The following TMEM131L variants were observed in gnomAD, a reference collection of about 807,000 sequenced individuals.
TMEM131L encodes transmembrane protein 131-like.
A neutral mutation model predicts 192.2 loss-of-function variants in TMEM131L; 54 were observed. The ratio of observed to expected loss-of-function variants is 0.28; its 90% CI spans 0.23 to 0.35. The LOEUF is 0.35. TMEM131L is among the 10% of genes least tolerant of loss of function. The pLI is 1.00. For synonymous variants in TMEM131L, 701 were observed against 704.9 expected (o/e 0.99, Z 0.09); for missense variants, 1,888 against 1,972.9 (o/e 0.96, Z 0.82).
chr4:153,495,314 C>T (rs375923774), intron 3 of TMEM131L, among the ~76,000 whole-genome samples: 20 of 151,358 alleles, frequency 1.3e-4, no homozygotes, highest in Non-Finnish European at 2.2e-4. Context: ...AGTGAGAATC[C>T]GTCTGAAAAC....
intron 20 of TMEM131L, among the ~76,000 whole-genome samples, chr4:153,598,352 A>G (rs1731594706): frequency 6.6e-6 from 1 of 152,080 alleles, no homozygotes; most frequent in Non-Finnish European, 1.5e-5. Flanking sequence ...CATTGTTTAC[A>G]TGTTCTTGCT....
At chr4:153,623,925 C>T (rs754216757) in intron 29 of TMEM131L, among the ~76,000 whole-genome samples, 68 of 151,164 alleles carry the variant, frequency 4.5e-4, no homozygotes, top group Non-Finnish European at 1.8e-4. Context: ...ATCATCTGTT[C>T]ACTTCTCCCT....
At chr4:153,502,174 G>A (rs190664315) in intron 3 of TMEM131L, among the ~76,000 whole-genome samples, 1 of 151,984 alleles carries the variant, frequency 6.6e-6, no homozygotes, top group Non-Finnish European at 1.5e-5. Context: ...CAACACCTGG[G>A]CTCAAGCAGT....
chr4:153,469,454 ATG>A (rs1455741814), intron 2 of TMEM131L, among the ~76,000 whole-genome samples: 1 of 152,162 alleles, frequency 6.6e-6, no homozygotes, highest in Admixed American at 6.5e-5. Flanking sequence ...ATTCCCTCAT[ATG>A]TGTCAAACGG....
intron 3 of TMEM131L, among the ~76,000 whole-genome samples, chr4:153,477,340 G>T (rs1037957768): frequency 5.9e-5 from 9 of 152,184 alleles, no homozygotes; most frequent in Non-Finnish European, 2.9e-5. Flanking sequence ...GGAGGCCAGG[G>T]CTGCAGACCC....
rs570635119 is a variant in TMEM131L, at chr4:153,502,650, G to A, written c.239+28762G>A. Among the ~76,000 whole-genome samples the A allele has an allele frequency of 4.5e-4, 69 of 152,334 alleles. 1 individual carries two copies. Among genetic ancestry groups the A allele is most frequent in the African/African-American group, 1.3e-3 (55 of 41,580 alleles). On this transcript the variant is annotated intron_variant, in intron 3 of 34. Transcript: ENST00000409959. ...TAACATTACTTTGAAAAACTTCTGC[G>A]TATAGAAGAAAATTGCAAATTATTG...
Position 153,593,821 on chromosome 4 carries a change from A to T in TMEM131L, c.1945A>T (p.Ile649Phe), listed in dbSNP as rs146588374. 3,092 of 1,613,384 alleles carry T rather than the reference A, an allele frequency of 1.9e-3. 2 individuals are homozygous for T. Among genetic ancestry groups the T allele is most frequent in the Non-Finnish European group, 2.4e-3 (2,801 of 1,179,332 alleles). The change falls in exon 19 of 35, where the codon ATT becomes TTT. Residue 649 changes from isoleucine to phenylalanine, a missense_variant. Transcript: ENST00000409959. ...TAGGTTTGGCACTGATATGCAGATG[A>T]TTAATTTCACAACTGGTGAATTCCA... ...HRWFGTDMQMINFTTGEFQLT... is the reference protein window; with the variant it reads ...HRWFGTDMQMFNFTTGEFQLT...
intron 7 of TMEM131L, among the ~76,000 whole-genome samples, chr4:153,561,746 C>T (rs1227846427): frequency 6.6e-6 from 1 of 152,132 alleles, no homozygotes; most frequent in East Asian, 1.9e-4. Context: ...AAGTCACTTT[C>T]TAAGGCTGCT....
intron 28 of TMEM131L, among the ~76,000 whole-genome samples, chr4:153,622,295 G>C (rs1733482634): frequency 6.6e-6 from 1 of 152,190 alleles, no homozygotes; most frequent in South Asian, 2.1e-4. Flanking sequence ...TCCAGGGTCT[G>C]GTACCGGATA....
At chr4:153,618,476 C>CAAAAAAAA (rs10669791) in intron 26 of TMEM131L, among the ~76,000 whole-genome samples, 1 of 99,464 alleles carries the variant, frequency 1.0e-5, no homozygotes, top group African/African-American at 4.0e-5. Context: ...ACCCTGTCTC[C>CAAAAAAAA]AAAAAAAAAA....
At chr4:153,541,176 AAGTTGGGATGGG>A in intron 3 of TMEM131L, among the ~76,000 whole-genome samples, 1 of 152,290 alleles carries the variant, frequency 6.6e-6, no homozygotes, top group African/African-American at 2.4e-5. Flanking sequence ...AGTAAGGAGA[AAGTTGGGATGGG>A]AGTTGGGGAA....
rs1733553311 is a variant in TMEM131L, at chr4:153,623,033, C to T, written c.3995C>T (p.Ser1332Phe). 6.2e-7 allele frequency: 1 copy of T among 1,613,832 alleles called. No individual in the cohort carries two copies. The highest frequency in any genetic ancestry group is 8.5e-7 in the Non-Finnish European group (1 of 1,179,912). The change falls in exon 29 of 35, where the codon TCC (serine) becomes TTC (phenylalanine). Residue 1332 changes from serine to phenylalanine, a missense_variant. Transcript: ENST00000409959. ...GGGAGCTGGAGCAGCACCAGCAGCTCCGACGGGGATAAGAAGCCCATGGTG... is the reference window on the plus strand; with the variant it reads ...GGGAGCTGGAGCAGCACCAGCAGCTTCGACGGGGATAAGAAGCCCATGGTG... ...SWGSWSSTSS[S>F]DGDKKPMVDA... is the part of the protein sequence containing the mutation.
rs1288093043 is a variant in TMEM131L, at chr4:153,584,875, G to A, written c.1101G>A (p.Lys367=). The A allele has an allele frequency of 1.2e-6, 2 of 1,614,110 alleles. No homozygotes were observed. The highest frequency in any genetic ancestry group is 1.7e-6 in the Non-Finnish European group (2 of 1,179,962). ...ACAGTGGAATTATAGAAGATGTGAA[G>A]AAAACAACACACACTCCAACACTAA... ...SCDSGIIEDV[K]KTTHTPTLKA... is the part of the protein sequence containing the mutation. Residue 367 remains lysine, a synonymous_variant, in exon 12 of 35, where the codon AAG becomes AAA. Coordinates refer to ENST00000409959, the MANE Select transcript of TMEM131L (RefSeq NM_001131007.2).
At chr4:153,535,572 T>G (rs930309687) in intron 3 of TMEM131L, among the ~76,000 whole-genome samples, 4 of 152,148 alleles carry the variant, frequency 2.6e-5, no homozygotes, top group African/African-American at 9.7e-5. Context: ...ACCAATTATT[T>G]AAAAGCTAAC....
At chr4:153,522,471 G>A (rs565084951) in intron 3 of TMEM131L, among the ~76,000 whole-genome samples, 3 of 152,126 alleles carry the variant, frequency 2.0e-5, no homozygotes, top group South Asian at 4.1e-4. Context: ...CAGAGGGACC[G>A]CCCTCTGGGC....
chr4:153,596,834 C>T (rs531126812), intron 20 of TMEM131L, among the ~76,000 whole-genome samples: 1 of 152,340 alleles, frequency 6.6e-6, no homozygotes, highest in African/African-American at 2.4e-5. Flanking sequence ...AAAGGTGTTT[C>T]ATTGAGCCCA....
intron 7 of TMEM131L, among the ~76,000 whole-genome samples, chr4:153,568,937 G>A (rs1729405593): frequency 6.6e-6 from 1 of 152,210 alleles, no homozygotes; most frequent in African/African-American, 2.4e-5. Context: ...TCTCCCCTAG[G>A]GTAGACTTTG....
At chr4:153,561,396 TTC>T (rs753411883) in intron 7 of TMEM131L, among the ~76,000 whole-genome samples, 2 of 152,236 alleles carry the variant, frequency 1.3e-5, no homozygotes, top group African/African-American at 2.4e-5. Context: ...AGTCAAGTTT[TTC>T]TGTTTTTCTT....
At chr4:153,584,436 T>C (rs7676413) in intron 11 of TMEM131L, among the ~76,000 whole-genome samples, 6,750 of 152,322 alleles carry the variant, frequency 0.044, 396 homozygotes, top group African/African-American at 0.14. Context: ...CTCAATATTA[T>C]AACCTAATCA....
Sources: gnomAD v4.1 joint callset for allele counts (sites outside exome capture counted in the v4.1 genomes callset) on GRCh38, gnomAD v4.1.1 for gene constraint, MANE v1.5 for transcripts, NCBI Gene and HGNC (gene_info 2026-07-23, HGNC 2026-07-21) for gene names.